The following ABHD17C variants were observed in gnomAD, a reference collection of about 807,000 sequenced individuals.
ABHD17C encodes the protein abhydrolase domain containing 17C, depalmitoylase, also known as alpha/beta hydrolase domain-containing protein 17C.
ABHD17C carries 11 observed loss-of-function variants against 27.9 expected under a neutral mutation model. The ratio of observed to expected loss-of-function variants is 0.39; its 90% CI spans 0.25 to 0.65. The LOEUF (loss-of-function observed/expected upper bound fraction) is 0.65. Among genes scored for constraint, ABHD17C ranks in the 30% least tolerant of loss-of-function variants. The pLI, the probability that ABHD17C is intolerant of heterozygous loss-of-function variation, is 0.45. For synonymous variants in ABHD17C, 233 were observed against 209.1 expected (o/e 1.11, Z -0.98); for missense variants, 280 against 470.2 (o/e 0.60, Z 3.74).
chr15:80,733,911 C>A (rs930009046), intron 1 of ABHD17C, among the ~76,000 whole-genome samples: 6 of 151,648 alleles, frequency 4.0e-5, no homozygotes, highest in African/African-American at 1.5e-4. Context: ...AAATCTGTAC[C>A]TTAACTTTTG....
intron 1 of ABHD17C, among the ~76,000 whole-genome samples, chr15:80,739,824 A>G (rs1033535462): frequency 1.1e-4 from 17 of 150,952 alleles, no homozygotes; most frequent in African/African-American, 3.9e-4. Flanking sequence ...GTTCTGTGTC[A>G]TTTGGGTATT....
chr15:80,713,716 C>T (rs533604545), intron 1 of ABHD17C, among the ~76,000 whole-genome samples: 6 of 151,822 alleles, frequency 4.0e-5, no homozygotes, highest in South Asian at 4.2e-4. Flanking sequence ...GGCTGAGGCA[C>T]GAGAATGGCT....
At chr15:80,696,955 G>A (rs547928818) in intron 1 of ABHD17C, among the ~76,000 whole-genome samples, 2 of 152,282 alleles carry the variant, frequency 1.3e-5, no homozygotes, top group Admixed American at 1.3e-4. Context: ...AATAACCTGA[G>A]GCCATGTCTA....
intron 1 of ABHD17C, among the ~76,000 whole-genome samples, chr15:80,727,581 G>A (rs1894998933): frequency 6.6e-6 from 1 of 152,094 alleles, no homozygotes; most frequent in Admixed American, 6.5e-5. Context: ...AACTCAGCAA[G>A]TATTGGGTGA....
In ABHD17C at chr15:80,696,323, G is replaced by A. The variant is rs150311364; in HGVS notation, c.590+304G>A. On this transcript the variant is annotated intron_variant, in intron 1 of 2. Coordinates refer to ENST00000258884, the MANE Select transcript of ABHD17C (RefSeq NM_021214.2). ...TGGGTCTTTTGTGGCTCCGGTCACC[G>A]CGAGTGGCAGAGTGTGGGTGCTTAA... 3.5e-4 allele frequency among the ~76,000 whole-genome samples: 53 copies of A among 152,344 alleles called. No individual in the cohort carries two copies. The East Asian group carries it at 6.9e-3, about 20-fold the overall frequency.
At chr15:80,743,890 G>A (rs759917522) in intron 1 of ABHD17C, among the ~76,000 whole-genome samples, 134 of 152,182 alleles carry the variant, frequency 8.8e-4, no homozygotes, top group Non-Finnish European at 1.4e-3. Context: ...CATCTTCTGT[G>A]TCGCCTATAT....
chr15:80,704,208 T>C (rs1440026189), intron 1 of ABHD17C, among the ~76,000 whole-genome samples: 2 of 152,158 alleles, frequency 1.3e-5, no homozygotes, highest in African/African-American at 4.8e-5. Context: ...TTTGTGAGAT[T>C]CCAGGGAGCC....
At position 80,741,648 on chromosome 15, in the gene ABHD17C, AT is replaced by A. The variant is rs577862238; in HGVS notation, c.591-7856del. Among the ~76,000 whole-genome samples the A allele has an allele frequency of 4.7e-5, 7 of 149,374 alleles. No homozygotes were observed. The East Asian group carries it at 1.4e-3, about 29-fold the overall frequency. Reference sequence around the variant, plus strand: ...CTGTACGTGCAGCAAAATTAGCACAATTTTTTTTTCTTCGTAATCTCACAGG... The same window carrying A: ...CTGTACGTGCAGCAAAATTAGCACAATTTTTTTTCTTCGTAATCTCACAGG... On this transcript the variant is annotated intron_variant, in intron 1 of 2. Coordinates refer to ENST00000258884, the MANE Select transcript of ABHD17C (RefSeq NM_021214.2).
At chr15:80,705,333 T>TTGTGTGTGTGTGTGTGTG (rs1555421862) in intron 1 of ABHD17C, among the ~76,000 whole-genome samples, 13,345 of 106,592 alleles carry the variant, frequency 0.13, 1,193 homozygotes, top group Non-Finnish European at 0.15. Context: ...TTCCTATGAT[T>TTGTGTGTGTGTGTGTGTG]TGTGTGTGTG....
At position 80,695,733 on chromosome 15, in the gene ABHD17C, C is replaced by G; in HGVS notation, c.304C>G (p.Arg102Gly). 1 of 1,534,210 alleles carries G rather than the reference C, an allele frequency of 6.5e-7. No homozygotes were observed. The highest frequency in any genetic ancestry group is 2.0e-5 in the Admixed American group (1 of 50,960). The change falls in exon 1 of 3, where the codon CGC (arginine) becomes GGC (glycine). Residue 102 changes from arginine (R) to glycine (G), a missense_variant. Around this residue, in one of 2 missense-constraint regions of ABHD17C, gnomAD observed 206 missense variants for 394.7 expected, o/e 0.52. Transcript: ENST00000258884. The surrounding 1 kb of genome is among the most constrained non-coding windows in gnomAD (Gnocchi z 4.3). Reference sequence around the variant, plus strand: ...GCGCGCCGACTGGCAGTACTCGCAGCGCGAGCTGGACGCCGTCGAGGTCTT... The same window carrying G: ...GCGCGCCGACTGGCAGTACTCGCAGGGCGAGCTGGACGCCGTCGAGGTCTT... ...SERADWQYSQ[R>G]ELDAVEVFFS...
chr15:80,726,600 C>G (rs1022629688), intron 1 of ABHD17C, among the ~76,000 whole-genome samples: 6 of 150,486 alleles, frequency 4.0e-5, no homozygotes, highest in Middle Eastern at 6.8e-3. Context: ...CAAGCTCCGC[C>G]CCCCCGCGTT....
chr15:80,749,443 C>A (rs984730552), intron 1 of ABHD17C, 70 bp from the exon 2 acceptor site: 6 of 1,506,648 alleles, frequency 4.0e-6, no homozygotes, highest in East Asian at 4.5e-5. Context: ...GTTTAAGAGG[C>A]GGGTTTCTCT....
At chr15:80,720,779 G>A (rs1449904228) in intron 1 of ABHD17C, among the ~76,000 whole-genome samples, 1 of 152,048 alleles carries the variant, frequency 6.6e-6, no homozygotes, top group Admixed American at 6.6e-5. Context: ...AAATTAGCCA[G>A]GCGTGGTGAC....
intron 1 of ABHD17C, among the ~76,000 whole-genome samples, chr15:80,746,388 GT>G (rs1895284454): frequency 6.6e-6 from 1 of 151,696 alleles, no homozygotes; most frequent in African/African-American, 2.4e-5. Context: ...TTTCTTATGG[GT>G]GTCTTCTGAT....
chr15:80,749,061 A>C (rs1478624557), intron 1 of ABHD17C, among the ~76,000 whole-genome samples: 2 of 152,096 alleles, frequency 1.3e-5, no homozygotes, highest in East Asian at 1.9e-4. Flanking sequence ...TTTCTGATAA[A>C]TGTTAATATA....
intron 1 of ABHD17C, among the ~76,000 whole-genome samples, chr15:80,748,817 C>G (rs923657571): frequency 6.6e-6 from 1 of 151,170 alleles, no homozygotes; most frequent in Admixed American, 6.6e-5. Flanking sequence ...GGAGGTTGCT[C>G]GTGTCACTTC....
chr15:80,725,423 A>G (rs908063234), intron 1 of ABHD17C, among the ~76,000 whole-genome samples: 2 of 152,200 alleles, frequency 1.3e-5, no homozygotes, highest in African/African-American at 2.4e-5. Flanking sequence ...GTTTAGTAGT[A>G]TTATAGCTTT....
chr15:80,740,651 A>C (rs573182645), intron 1 of ABHD17C, among the ~76,000 whole-genome samples: 1 of 152,100 alleles, frequency 6.6e-6, no homozygotes, highest in African/African-American at 2.4e-5. Context: ...TGGTTCTTCT[A>C]CCGCCTCAGC....
At chr15:80,706,927 A>G (rs1894656108) in intron 1 of ABHD17C, among the ~76,000 whole-genome samples, 1 of 152,226 alleles carries the variant, frequency 6.6e-6, no homozygotes, top group South Asian at 2.1e-4. Flanking sequence ...TTTAATTTTA[A>G]TGTAACTATT....
Sources: gnomAD v4.1 joint callset for allele counts (sites outside exome capture counted in the v4.1 genomes callset) on GRCh38, gnomAD v4.1.1 for gene constraint, gnomAD v4.1.1 regional missense constraint, Gnocchi (gnomAD v3.1) non-coding constraint, MANE v1.5 for transcripts, NCBI Gene and HGNC (gene_info 2026-07-23, HGNC 2026-07-21) for gene names.